Variants in TENM3 observed in about 807,000 individuals in gnomAD.
TENM3 encodes the protein teneurin transmembrane protein 3.
Under a neutral mutation model 255.1 loss-of-function variants are expected in TENM3, and 63 were observed. That is an observed-to-expected ratio of 0.25 (90% confidence interval 0.20 to 0.30). The LOEUF is 0.30. Ranked by LOEUF, TENM3 falls within the 10% of genes least tolerant of loss-of-function variation. The probability of loss-of-function intolerance (pLI) is 1.00; values close to 1 mark genes in which losing one functional copy is unlikely to be tolerated. For missense variants in TENM3, 2,929 were observed against 3,461.1 expected, an observed-to-expected ratio of 0.85 and a Z score of 3.86; for synonymous variants, 1,306 against 1,322.3, an observed-to-expected ratio of 0.99 and a Z score of 0.27.
At chr4:182,594,067 A>G (rs938807884) in intron 3 of TENM3, among the ~76,000 whole-genome samples, 15 of 152,326 alleles carry the variant, frequency 9.8e-5, no homozygotes, top group Middle Eastern at 3.4e-3. Context: ...CTAGCTAGGA[A>G]AAGGTGACTA....
the TENM3 span, among the ~76,000 whole-genome samples, chr4:181,810,368 A>C: frequency 6.6e-6 from 1 of 152,180 alleles, no homozygotes; most frequent in Non-Finnish European, 1.5e-5. Context: ...AAATTATCTG[A>C]AACATCTGGC....
At chr4:182,718,238 CAA>C (rs766686826) in intron 13 of TENM3, among the ~76,000 whole-genome samples, 2,961 of 152,212 alleles carry the variant, frequency 0.019, 80 homozygotes, top group South Asian at 0.13. Context: ...CCCAGGTGTT[CAA>C]ATGATGACAC....
chr4:182,169,279 G>A (rs1192069262), intron 1 of TENM3: 3 of 479,040 alleles, frequency 6.3e-6, no homozygotes, highest in Non-Finnish European at 1.3e-5. Context: ...AAAATTTGGG[G>A]TATAGCATTT....
chr4:182,115,085 G>T, the TENM3 span, among the ~76,000 whole-genome samples: 1 of 152,124 alleles, frequency 6.6e-6, no homozygotes, highest in East Asian at 1.9e-4. Context: ...GGAGGCTGAG[G>T]CAGAAGAATT....
the TENM3 span, among the ~76,000 whole-genome samples, chr4:182,119,195 G>A: frequency 6.6e-6 from 1 of 152,102 alleles, no homozygotes; most frequent in Non-Finnish European, 1.5e-5. Context: ...GTTAGGATCT[G>A]GTAAAAGTTT....
the TENM3 span, among the ~76,000 whole-genome samples, chr4:181,859,220 G>C: frequency 8.0e-6 from 1 of 125,322 alleles, no homozygotes; most frequent in Non-Finnish European, 1.6e-5. Flanking sequence ...TCCACCCTGT[G>C]TGACAGAGTG....
intron 3 of TENM3, among the ~76,000 whole-genome samples, chr4:182,440,032 A>G (rs1483650385): frequency 6.6e-6 from 1 of 151,364 alleles, no homozygotes. Context: ...TCTCGTAAGT[A>G]TCACTGTTAG....
chr4:181,704,753 C>G, the TENM3 span, among the ~76,000 whole-genome samples: 49,974 of 151,884 alleles, frequency 0.33, 8,264 homozygotes, highest in South Asian at 0.38. Flanking sequence ...AGACCCCTGG[C>G]AGGGCCCGGT....
the TENM3 span, among the ~76,000 whole-genome samples, chr4:181,863,093 C>A: frequency 3.3e-4 from 50 of 151,662 alleles, no homozygotes; most frequent in African/African-American, 1.2e-3. Flanking sequence ...ACATTCTTAA[C>A]TTTTATAAGT....
At chr4:181,755,467 CAA>C in the TENM3 span, among the ~76,000 whole-genome samples, 1 of 151,896 alleles carries the variant, frequency 6.6e-6, no homozygotes, top group Middle Eastern at 3.4e-3. Context: ...AGAAGTTTGT[CAA>C]ACTTCTTAAA....
the TENM3 span, among the ~76,000 whole-genome samples, chr4:181,967,575 C>A: frequency 2.6e-5 from 4 of 152,256 alleles, no homozygotes; most frequent in Non-Finnish European, 5.9e-5. Context: ...TTCCTTGGGG[C>A]AGTGGGCATG....
chr4:181,512,662 A>G, the TENM3 span, among the ~76,000 whole-genome samples: 2 of 152,224 alleles, frequency 1.3e-5, no homozygotes, highest in Non-Finnish European at 2.9e-5. Context: ...GTTTGAAACC[A>G]GAATATATTT....
rs1004411121 is a variant in TENM3, at chr4:182,680,667, G to C, written c.1764G>C (p.Gly588=). The C allele has an allele frequency of 2.5e-6, 4 of 1,607,436 alleles. No individual in the cohort carries two copies. Among genetic ancestry groups the C allele is most frequent in the Non-Finnish European group, 3.4e-6 (4 of 1,177,868 alleles). ...PTTQCIDPQC[G]GRGICIMGSC... is the part of the protein sequence containing the mutation. ...CCCAGTGTATTGACCCACAGTGTGG[G>C]GGTCGTGGGATTTGTATCATGGGCT... Residue 588 remains glycine (G), a synonymous_variant, in exon 10 of 28, where the codon GGG becomes GGC. Transcript: ENST00000511685.
At chr4:182,268,869 G>A (rs1392150112) in intron 1 of TENM3, among the ~76,000 whole-genome samples, 1 of 152,056 alleles carries the variant, frequency 6.6e-6, no homozygotes, top group African/African-American at 2.4e-5. Context: ...GCAGCCCTCG[G>A]GGCTGCTCTG....
chr4:182,443,960 G>T (rs564120449), intron 3 of TENM3, among the ~76,000 whole-genome samples: 13 of 152,286 alleles, frequency 8.5e-5, no homozygotes, highest in African/African-American at 2.6e-4. Flanking sequence ...AAAGTAAAGA[G>T]AACTCACCTT....
intron 3 of TENM3, among the ~76,000 whole-genome samples, chr4:182,474,430 C>T (rs1340572162): frequency 6.6e-6 from 1 of 152,052 alleles, no homozygotes; most frequent in Non-Finnish European, 1.5e-5. Flanking sequence ...GGGATAATTC[C>T]TCTTTTTGAG....
At chr4:181,730,694 T>A in the TENM3 span, among the ~76,000 whole-genome samples, 3 of 152,194 alleles carry the variant, frequency 2.0e-5, no homozygotes, top group Non-Finnish European at 4.4e-5. Flanking sequence ...AGAGGGGTTT[T>A]ATGCTTTTAT....
chr4:181,844,821 T>C, the TENM3 span, among the ~76,000 whole-genome samples: 1 of 152,152 alleles, frequency 6.6e-6, no homozygotes, highest in African/African-American at 2.4e-5. Context: ...ACTTCCCAGA[T>C]CAATCTAGCT....
chr4:181,504,257 G>A, the TENM3 span, among the ~76,000 whole-genome samples: 1 of 152,156 alleles, frequency 6.6e-6, no homozygotes, highest in African/African-American at 2.4e-5. Flanking sequence ...CGCTGCTCCC[G>A]ACTGTGGAAT....
Sources: gnomAD v4.1 joint callset for allele counts (sites outside exome capture counted in the v4.1 genomes callset) on GRCh38, gnomAD v4.1.1 for gene constraint, MANE v1.5 for transcripts, NCBI Gene and HGNC (gene_info 2026-07-23, HGNC 2026-07-21) for gene names.